Variants in PKHD1 observed in about 807,000 individuals in gnomAD.
PKHD1 encodes the protein fibrocystin.
A neutral mutation model predicts 412.0 loss-of-function variants in PKHD1; 291 were observed. The ratio of observed to expected loss-of-function variants is 0.71; its 90% confidence interval spans 0.64 to 0.78. The LOEUF is 0.78. PKHD1 is among the 30% of genes least tolerant of loss of function. The pLI is 0.00. For synonymous variants in PKHD1, 1,777 were observed against 1,821.5 expected (o/e 0.98, Z 0.62); for missense variants, 4,825 against 4,950.7 (o/e 0.97, Z 0.76).
intron 23 of PKHD1, among the ~76,000 whole-genome samples, chr6:52,047,613 GA>G (rs1440491818): frequency 6.6e-6 from 1 of 152,142 alleles, no homozygotes; most frequent in Non-Finnish European, 1.5e-5. Flanking sequence ...TGGGACCACT[GA>G]AATCCTCCAT....
intron 4 of PKHD1, among the ~76,000 whole-genome samples, chr6:52,082,031 G>T (rs754292998): frequency 1.3e-5 from 2 of 152,078 alleles, no homozygotes; most frequent in Non-Finnish European, 2.9e-5. Flanking sequence ...CCAGTTTGGG[G>T]TTTATGTGCA....
Position 51,883,088 on chromosome 6 carries a change from C to A in PKHD1, c.7350+5G>T. ...AGCCTAAAACAACCACACTAAGGCACTTACCTTGTGGGCAAAATGACCAAG... is the reference window on the plus strand; with the variant it reads ...AGCCTAAAACAACCACACTAAGGCAATTACCTTGTGGGCAAAATGACCAAG... On this transcript the variant is annotated splice_donor_5th_base_variant and intron_variant, in intron 46 of 66. Coordinates refer to ENST00000371117, the MANE Select transcript of PKHD1 (RefSeq NM_138694.4). 1 of 1,612,634 alleles carries A rather than the reference C, an allele frequency of 6.2e-7. No individual in the cohort carries two copies. Among genetic ancestry groups the A allele is most frequent in the Non-Finnish European group, 8.5e-7 (1 of 1,178,960 alleles).
At chr6:51,903,541 G>C in intron 43 of PKHD1, 56 bp downstream of exon 43, 1 of 1,547,234 alleles carries the variant, frequency 6.5e-7, no homozygotes. Context: ...CCCTGATTGA[G>C]AAAGAACTTT....
chr6:51,828,732 C>T (rs1326600), intron 52 of PKHD1, among the ~76,000 whole-genome samples: 67,258 of 151,586 alleles, frequency 0.44, 16,000 homozygotes, highest in Middle Eastern at 0.61. Flanking sequence ...CAAGGGGAGC[C>T]AGGAAAAGGT....
chr6:52,062,564 G>T lies in PKHD1; in HGVS notation c.1073C>A (p.Ala358Asp). 1 of 1,614,112 alleles carries T rather than the reference G, an allele frequency of 6.2e-7. No individual in the cohort carries two copies. The highest frequency in any genetic ancestry group is 8.5e-7 in the Non-Finnish European group (1 of 1,179,970). ...PGYRWQIVPN[A>D]SSPFGFWSQE... ...TGACCAAAACCCAAATGGAGAACTGGCATTAGGGACAATCTGCCACCTGTA... is the reference window on the plus strand; with the variant it reads ...TGACCAAAACCCAAATGGAGAACTGTCATTAGGGACAATCTGCCACCTGTA... Residue 358 changes from alanine to aspartate, a missense_variant, in exon 14 of 67, where the codon GCC (alanine) becomes GAC (aspartate). Coordinates refer to ENST00000371117, the MANE Select transcript of PKHD1 (RefSeq NM_138694.4).
chr6:51,894,014 G>A (rs1164699314), intron 43 of PKHD1, among the ~76,000 whole-genome samples: 1 of 152,206 alleles, frequency 6.6e-6, no homozygotes, highest in East Asian at 1.9e-4. Context: ...AGCTCTGGAA[G>A]TGAACAGTCC....
chr6:51,683,828 G>T (rs1478485589), intron 60 of PKHD1, among the ~76,000 whole-genome samples: 1 of 150,606 alleles, frequency 6.6e-6, no homozygotes, highest in Non-Finnish European at 1.5e-5. Context: ...TCAACTTTGA[G>T]ATTATAATGG....
chr6:51,801,078 T>C (rs1397026511), intron 52 of PKHD1, among the ~76,000 whole-genome samples: 1 of 152,206 alleles, frequency 6.6e-6, no homozygotes, highest in East Asian at 1.9e-4. Flanking sequence ...AAAGAAAATA[T>C]TTTTAGCTCC....
chr6:51,791,437 G>T (rs565252027), intron 52 of PKHD1, 64 bp from the exon 53 acceptor site: 2 of 1,520,494 alleles, frequency 1.3e-6, no homozygotes, highest in Non-Finnish European at 1.8e-6. Flanking sequence ...TTTATTCTGG[G>T]GTTCTCCCAG....
chr6:51,753,190 A>T lies in PKHD1; in HGVS notation c.8950+11T>A, dbSNP rs1786389816. Reference sequence around the variant, plus strand: ...AACTGGTAATGGCCAATTACTTAAAATTTCATTTACCTGAAAATTCTTCTC... The same window carrying T: ...AACTGGTAATGGCCAATTACTTAAATTTTCATTTACCTGAAAATTCTTCTC... On this transcript the variant is annotated intron_variant, in intron 57 of 66. Coordinates refer to ENST00000371117, the MANE Select transcript of PKHD1 (RefSeq NM_138694.4). The T allele has an allele frequency of 3.1e-6, 5 of 1,612,908 alleles. No homozygotes were observed. The Admixed American group carries it at 6.7e-5, about 22-fold the overall frequency.
At chr6:51,681,444 T>A (rs1776648627) in intron 60 of PKHD1, among the ~76,000 whole-genome samples, 1 of 152,022 alleles carries the variant, frequency 6.6e-6, no homozygotes, top group Non-Finnish European at 1.5e-5. Flanking sequence ...GTAAAGTCTG[T>A]TTTTCTGAGT....
intron 63 of PKHD1, among the ~76,000 whole-genome samples, chr6:51,640,815 T>C (rs1769245998): frequency 6.6e-6 from 1 of 152,206 alleles, no homozygotes; most frequent in Admixed American, 6.6e-5. Flanking sequence ...GATCCATAAA[T>C]GTCAAAGGAT....
chr6:51,747,958 T>G lies in PKHD1; in HGVS notation c.9658A>C (p.Lys3220Gln). ...GATGTCAAGTTGGCTGAGTGCGGCT[T>G]CACTTTGTCCTGAATGCAGTCAAAA... ...SSFDCIQDKV[K>Q]PHSANLTSTD... The change falls in exon 58 of 67, where the codon AAG (lysine) becomes CAG (glutamine). Residue 3220 changes from lysine (K) to glutamine (Q), a missense_variant. Lys to Gln is a moderately conservative substitution (Grantham distance 53). Coordinates refer to ENST00000371117, the MANE Select transcript of PKHD1 (RefSeq NM_138694.4). 6.2e-7 allele frequency: 1 copy of G among 1,614,078 alleles called. No homozygotes were observed. The highest frequency in any genetic ancestry group is 8.5e-7 in the Non-Finnish European group (1 of 1,179,978).
intron 36 of PKHD1, among the ~76,000 whole-genome samples, chr6:51,940,832 G>A (rs866666083): frequency 7.3e-5 from 11 of 151,392 alleles, no homozygotes; most frequent in Admixed American, 5.3e-4. Flanking sequence ...GGGTATTGAC[G>A]GCCAGGCTTC....
In PKHD1 at chr6:51,658,844, G is replaced by T. The variant is rs995657295; in HGVS notation, c.11174+108C>A. The T allele has an allele frequency of 1.2e-5, 9 of 761,462 alleles. No individual in the cohort carries two copies. In the African/African-American group the frequency reaches 1.4e-4, roughly 12 times the overall value. The allele number at this position is 761,462 out of a possible 1,614,324, so 47.2% of individuals were successfully genotyped here. A position where few individuals can be genotyped will look rare whatever the true frequency, so the allele number is the denominator to read the frequency against. ...TGAATTTTTATTCTTATCTTAAAAA[G>T]CAGATGAGTTATATGATTCAGTGTA... is the stretch of plus-strand genomic sequence containing the variant. On this transcript the variant is annotated intron_variant, in intron 61 of 66. Transcript: ENST00000371117.
chr6:51,881,970 C>G (rs9370080), intron 46 of PKHD1, among the ~76,000 whole-genome samples: 61,854 of 151,954 alleles, frequency 0.41, 13,812 homozygotes, highest in East Asian at 0.86. Flanking sequence ...CTCATGATAG[C>G]CACCCTTTTG....
rs146467665 is a variant in PKHD1, at chr6:51,874,253, G to T, written c.7351-3614C>A. ...TCCTACAGATACTTCGATAAGTAGG[G>T]TGACCGTAATTTAAATTAAAATTAG... On this transcript the variant is annotated intron_variant, in intron 46 of 66. Coordinates refer to ENST00000371117, the MANE Select transcript of PKHD1 (RefSeq NM_138694.4). 4.1e-3 allele frequency among the ~76,000 whole-genome samples: 612 copies of T among 149,468 alleles called. 4 individuals carry two copies. Among genetic ancestry groups the T allele is most frequent in the Non-Finnish European group, 5.8e-3 (396 of 67,698 alleles).
At chr6:51,942,532 G>C (rs776804291) in intron 36 of PKHD1, among the ~76,000 whole-genome samples, 3 of 151,148 alleles carry the variant, frequency 2.0e-5, no homozygotes, top group Non-Finnish European at 4.4e-5. Flanking sequence ...TGAGTCTCCC[G>C]CAATTACCAC....
intron 52 of PKHD1, among the ~76,000 whole-genome samples, chr6:51,807,386 C>T (rs4472349): frequency 0.58 from 82,725 of 143,470 alleles, 23,959 homozygotes; most frequent in East Asian, 0.78. Flanking sequence ...TGCAGTGAGC[C>T]GAAATCATGC....
Sources: gnomAD v4.1 joint callset for allele counts (sites outside exome capture counted in the v4.1 genomes callset) on GRCh38, gnomAD v4.1.1 for gene constraint, MANE v1.5 for transcripts, NCBI Gene and HGNC (gene_info 2026-07-23, HGNC 2026-07-21) for gene names.